CCDC24: variants seen among roughly 807,000 people sequenced by gnomAD.
CCDC24 encodes the protein coiled-coil domain containing 24.
In CCDC24, 34 loss-of-function variants were observed where a neutral mutation model predicts 31.6. That is an observed-to-expected ratio of 1.08 (90% CI 0.82 to 1.43). The LOEUF is 1.43. Among genes scored for constraint, CCDC24 ranks in the 40% most tolerant of loss-of-function variants. The probability of loss-of-function intolerance (pLI) is 0.00; values close to 1 mark genes in which losing one functional copy is unlikely to be tolerated. For missense variants in CCDC24, 426 were observed against 391.1 expected (o/e 1.09, Z -0.75); for synonymous variants, 175 against 157.3 (o/e 1.11, Z -0.84).
rs2085858942 is a variant in CCDC24 at position 43,996,348 on chromosome 1, G to A, written c.*188G>A. 3.5e-6 allele frequency: 2 copies of A among 576,410 alleles called. No homozygotes were observed. Among genetic ancestry groups the A allele is most frequent in the African/African-American group, 3.8e-5 (2 of 53,100 alleles). 35.7% of individuals were successfully genotyped at this position (576,410 alleles called of 1,614,324 possible). A position where few individuals can be genotyped will look rare whatever the true frequency, so the allele number is the denominator to read the frequency against. On this transcript the variant is annotated 3_prime_UTR_variant, in exon 9 of 9. Coordinates refer to ENST00000372318, the MANE Select transcript of CCDC24 (RefSeq NM_152499.4). ...AGATCCCTGGTGTCTGGAGCTGAGT[G>A]GCCGGGCATCGGTCCCAAGCATCAA... is the stretch of plus-strand genomic sequence containing the variant.
chr1:43,996,243 G>A lies in CCDC24; in HGVS notation c.*83G>A. The A allele has an allele frequency of 1.6e-6, 2 of 1,281,448 alleles. No homozygotes were observed. The highest frequency in any genetic ancestry group is 2.7e-5 in the Admixed American group (1 of 36,484). The allele number at this position is 1,281,448 out of a possible 1,614,324, so 79.4% of individuals were successfully genotyped here. ...CGCCTCAGCTGCTTTGGCCCAGCCA[G>A]CTTCAGATCTGGTCTTGGCGAGCTC... On this transcript the variant is annotated 3_prime_UTR_variant, in exon 9 of 9. Coordinates refer to ENST00000372318, the MANE Select transcript of CCDC24 (RefSeq NM_152499.4).
rs557449708 is a variant in CCDC24 at position 43,991,775 on chromosome 1, A to G, written c.-33+29A>G. 3.4e-5 allele frequency: 49 copies of G among 1,433,718 alleles called. No individual in the cohort carries two copies. The East Asian group carries it at 1.1e-3, about 33-fold the overall frequency. The allele number at this position is 1,433,718 out of a possible 1,614,324, so 88.8% of individuals were successfully genotyped here. A position where few individuals can be genotyped will look rare whatever the true frequency, so the allele number is the denominator to read the frequency against. ...GGGCTTGGGAGAGGGCGGGGCCCAT[A>G]GAGGGGCGGGGTTTGGTGAGCGTTG... is the stretch of plus-strand genomic sequence containing the variant. On this transcript the variant is annotated intron_variant, in intron 1 of 8. Coordinates refer to ENST00000372318, the MANE Select transcript of CCDC24 (RefSeq NM_152499.4).
chr1:43,995,797 G>A lies in CCDC24; in HGVS notation c.642G>A (p.Lys214=). ...PTLAELKEQK[K]AMEQELQASV... ...CTTCAGAGCTAAAGGAACAGAAGAA[G>A]GCCATGGAGCAGGAGCTGCAGGCAT... The change falls in exon 8 of 9, where the codon AAG becomes AAA. Residue 214 remains lysine, a synonymous_variant. Transcript: ENST00000372318. The surrounding 1 kb of genome is among the most constrained non-coding windows in gnomAD (Gnocchi z 4.3). The A allele has an allele frequency of 1.2e-6, 2 of 1,614,230 alleles. No individual in the cohort carries two copies. Among genetic ancestry groups the A allele is most frequent in the Non-Finnish European group, 8.5e-7 (1 of 1,180,030 alleles).
At position 43,995,299 on chromosome 1, in the gene CCDC24, G is replaced by GCACA; in HGVS notation, c.552+139_552+140insCACA. 4 of 951,802 alleles carry GCACA rather than the reference G, an allele frequency of 4.2e-6. No individual in the cohort carries two copies. The highest frequency in any genetic ancestry group is 6.3e-6 in the Non-Finnish European group (4 of 632,354). 59.0% of individuals were successfully genotyped at this position (951,802 alleles called of 1,614,324 possible). A position where few individuals can be genotyped will look rare whatever the true frequency, so the allele number is the denominator to read the frequency against. On this transcript the variant is annotated intron_variant, in intron 6 of 8. Coordinates refer to ENST00000372318, the MANE Select transcript of CCDC24 (RefSeq NM_152499.4). The surrounding 1 kb of genome is among the most constrained non-coding windows in gnomAD (Gnocchi z 4.3). ...AGTCCTGCATCCATTTCTCAGGGGT[G>GCACA]CATGCTTGTGTGCACCTGCAAAATC...
chr1:43,992,211 G>A lies in CCDC24; in HGVS notation c.127-1G>A, dbSNP rs377618765. ...GCAAGGTATCCCAGCTCTCCTTGCA[G>A]GTGGCGATGTTACGGGCACTGCTCC... On this transcript the variant is annotated splice_acceptor_variant, in intron 2 of 8. Coordinates refer to ENST00000372318, the MANE Select transcript of CCDC24 (RefSeq NM_152499.4). LOFTEE classifies it high-confidence loss of function. The A allele has an allele frequency of 1.9e-6, 3 of 1,610,370 alleles. No individual in the cohort carries two copies. The African/African-American group carries it at 4.0e-5, about 22-fold the overall frequency.
Position 43,996,073 on chromosome 1 carries a change from C to A in CCDC24, c.837C>A (p.His279Gln). 1 of 1,614,098 alleles carries A rather than the reference C, an allele frequency of 6.2e-7. No homozygotes were observed. The highest frequency in any genetic ancestry group is 1.1e-5 in the South Asian group (1 of 91,080). The change falls in exon 9 of 9, where the codon CAC (histidine) becomes CAA (glutamine). Residue 279 changes from histidine to glutamine, a missense_variant. Coordinates refer to ENST00000372318, the MANE Select transcript of CCDC24 (RefSeq NM_152499.4). ...YLRPRGQSATHRWGRQLQCSP... is the reference protein window; with the variant it reads ...YLRPRGQSATQRWGRQLQCSP... The stretch of plus-strand genomic sequence containing the variant: ...GACCTCGAGGCCAGTCGGCTACCCA[C>A]CGCTGGGGACGGCAGCTTCAGTGCA...
chr1:43,992,614 T>C lies in CCDC24; in HGVS notation c.394T>C (p.Phe132Leu), dbSNP rs144458666. The part of the protein sequence containing the change: ...PRCDLPEQEI[F>L]QMRGGGPSSG... The stretch of plus-strand genomic sequence containing the variant: ...GTGTGATTTGCCAGAACAGGAGATA[T>C]TCCAGATGAGAGGTGGTGGGCCCAG... The change falls in exon 4 of 9, where the codon TTC (phenylalanine) becomes CTC (leucine). Residue 132 changes from phenylalanine (F) to leucine (L), a missense_variant. Physicochemically the swap from Phe to Leu is conservative, Grantham distance 22 (BLOSUM62 0). Transcript: ENST00000372318. 3.0e-4 allele frequency: 479 copies of C among 1,614,052 alleles called. No individual in the cohort carries two copies. Among genetic ancestry groups the C allele is most frequent in the Non-Finnish European group, 3.6e-4 (422 of 1,180,016 alleles).
intron 5 of CCDC24, chr1:43,994,887 G>A (rs1353456576): frequency 6.8e-6 from 4 of 588,928 alleles, no homozygotes; most frequent in African/African-American, 5.6e-5. Flanking sequence ...GCCTGCCAGG[G>A]TGAGGCAGGC....
In CCDC24 at chr1:43,995,848, C is replaced by G; in HGVS notation, c.693C>G (p.Pro231=). ...QASVGPSCVS[P]NHRQRPLGSS... The stretch of plus-strand genomic sequence containing the variant: ...CTGTGGGGCCTTCTTGTGTCTCTCC[C>G]AACCACAGGTAAACCACAACAGTAG... Residue 231 remains proline (P), a synonymous_variant, in exon 8 of 9, where the codon CCC becomes CCG. Coordinates refer to ENST00000372318, the MANE Select transcript of CCDC24 (RefSeq NM_152499.4). The surrounding 1 kb of genome is among the most constrained non-coding windows in gnomAD (Gnocchi z 4.3). 1 of 1,614,216 alleles carries G rather than the reference C, an allele frequency of 6.2e-7. No individual in the cohort carries two copies. Among genetic ancestry groups the G allele is most frequent in the Non-Finnish European group, 8.5e-7 (1 of 1,180,018 alleles).
Position 43,996,390 on chromosome 1 carries a change from C to T in CCDC24, c.*230C>T. The T allele has an allele frequency of 2.0e-6, 1 of 494,310 alleles. No individual in the cohort carries two copies. The highest frequency in any genetic ancestry group is 3.5e-6 in the Non-Finnish European group (1 of 281,734). 30.6% of individuals were successfully genotyped at this position (494,310 alleles called of 1,614,324 possible). A position where few individuals can be genotyped will look rare whatever the true frequency, so the allele number is the denominator to read the frequency against. ...AAGCATCAAAGCCTTTGGCCTTTCT[C>T]CTCCCAGGCCTCCACAAAGGCCTGG... On this transcript the variant is annotated 3_prime_UTR_variant, in exon 9 of 9. Transcript: ENST00000372318.
chr1:43,991,676 G>C lies in CCDC24; in HGVS notation c.-103G>C. ...ATCCGAGTCGGCCAAAAGCCGGGCA[G>C]AAGAGAGCGCCAAGGACTGGCAGTT... On this transcript the variant is annotated 5_prime_UTR_variant, in exon 1 of 9. Coordinates refer to ENST00000372318, the MANE Select transcript of CCDC24 (RefSeq NM_152499.4). The C allele has an allele frequency of 1.3e-6, 1 of 761,382 alleles. No homozygotes were observed. Among genetic ancestry groups the C allele is most frequent in the Non-Finnish European group, 2.3e-6 (1 of 438,960 alleles). The allele number at this position is 761,382 out of a possible 1,614,324, so 47.2% of individuals were successfully genotyped here.
chr1:43,995,871 T>A lies in CCDC24; in HGVS notation c.701+15T>A. The A allele has an allele frequency of 6.2e-7, 1 of 1,614,110 alleles. No individual in the cohort carries two copies. The highest frequency in any genetic ancestry group is 2.2e-5 in the East Asian group (1 of 44,884). On this transcript the variant is annotated intron_variant, in intron 8 of 8. Coordinates refer to ENST00000372318, the MANE Select transcript of CCDC24 (RefSeq NM_152499.4). This position sits in a 1 kb window ranked among gnomAD's most constrained non-coding sequence, Gnocchi z 4.3. The stretch of plus-strand genomic sequence containing the variant: ...CCCAACCACAGGTAAACCACAACAG[T>A]AGACACAGGGCAGGGTGGACTGAAG...
chr1:43,993,178 T>C (rs1433466267), intron 4 of CCDC24, among the ~76,000 whole-genome samples: 14 of 152,150 alleles, frequency 9.2e-5, no homozygotes, highest in Non-Finnish European at 1.9e-4. Flanking sequence ...TAGTGGCTCA[T>C]GCCTGTAATC....
Position 43,994,442 on chromosome 1 carries a change from C to CT in CCDC24, c.497+494dup, listed in dbSNP as rs1553157967. ...ACCCTGTTTCTTTCTTTCTTTCTTT[C>CT]TTTTTTTTTTTTTTTTGAGATGGAG... is the stretch of plus-strand genomic sequence containing the variant. On this transcript the variant is annotated intron_variant, in intron 5 of 8. Transcript: ENST00000372318. The CT allele has an allele frequency of 2.9e-3, 421 of 143,192 alleles. 2 individuals are homozygous for CT. The highest frequency in any genetic ancestry group is 9.4e-3 in the African/African-American group (350 of 37,358). The allele number at this position is 143,192 out of a possible 1,614,324, so 8.9% of individuals were successfully genotyped here.
chr1:43,992,851 A>C (rs1354638863), intron 4 of CCDC24, among the ~76,000 whole-genome samples: 11 of 152,202 alleles, frequency 7.2e-5, no homozygotes, highest in Non-Finnish European at 1.5e-4. Context: ...TCCTGGAGAA[A>C]GTGGTTTGAT....
intron 5 of CCDC24, chr1:43,994,800 G>A: frequency 4.5e-6 from 2 of 443,098 alleles, no homozygotes; most frequent in Non-Finnish European, 4.1e-6. Flanking sequence ...AGGATTTTAA[G>A]CAGCGGAAGG....
chr1:43,992,825 G>C (rs2154303632), intron 4 of CCDC24, among the ~76,000 whole-genome samples, 186 bp downstream of exon 4: 1 of 152,350 alleles, frequency 6.6e-6, no homozygotes, highest in Non-Finnish European at 1.5e-5. Context: ...TGCCTAGCCT[G>C]GGGACAGGCA....
In CCDC24 at chr1:43,995,208, T is replaced by C. The variant is rs926690357; in HGVS notation, c.552+46T>C. On this transcript the variant is annotated intron_variant, in intron 6 of 8. Transcript: ENST00000372318. The surrounding 1 kb of genome is among the most constrained non-coding windows in gnomAD (Gnocchi z 4.3). ...CTCCCCCGAGCCTCACTGCTGAGCG[T>C]AGACTCTCACCTGGGTGAGACCCAT... 6.5e-7 allele frequency: 1 copy of C among 1,535,588 alleles called. No individual in the cohort carries two copies. The highest frequency in any genetic ancestry group is 8.8e-7 in the Non-Finnish European group (1 of 1,137,460).
chr1:43,994,021 T>G (rs2085788106), intron 5 of CCDC24, 57 bp downstream of exon 5: 3 of 1,491,210 alleles, frequency 2.0e-6, no homozygotes, highest in Non-Finnish European at 2.8e-6. Context: ...AGGATGGATC[T>G]TGAGGTGCTG....
Sources: gnomAD v4.1 joint callset for allele counts (sites outside exome capture counted in the v4.1 genomes callset) on GRCh38, gnomAD v4.1.1 for gene constraint, Gnocchi (gnomAD v3.1) non-coding constraint, MANE v1.5 for transcripts, NCBI Gene and HGNC (gene_info 2026-07-23, HGNC 2026-07-21) for gene names.